Variants in TP53BP2 observed in about 807,000 individuals in gnomAD.
TP53BP2 encodes the protein apoptosis-stimulating of p53 protein 2.
In TP53BP2, 62 loss-of-function variants were observed where a neutral mutation model predicts 126.2. The ratio of observed to expected loss-of-function variants is 0.49; its 90% confidence interval spans 0.40 to 0.61. The LOEUF is 0.61. Among genes scored for constraint, TP53BP2 ranks in the 20% least tolerant of loss-of-function variants. The probability of loss-of-function intolerance (pLI) is 0.00; values close to 1 mark genes in which losing one functional copy is unlikely to be tolerated. For missense variants in TP53BP2, 1,215 were observed against 1,402.8 expected, an observed-to-expected ratio of 0.87 and a Z score of 2.14; for synonymous variants, 485 against 502.9, an observed-to-expected ratio of 0.96 and a Z score of 0.48.
At chr1:223,843,450 T>A (rs1241656362) in intron 1 of TP53BP2, among the ~76,000 whole-genome samples, 1 of 152,252 alleles carries the variant, frequency 6.6e-6, no homozygotes, top group Non-Finnish European at 1.5e-5. Flanking sequence ...ATTACAGGCA[T>A]GAGCCACCGC....
intron 2 of TP53BP2, among the ~76,000 whole-genome samples, chr1:223,815,569 A>T (rs1663056670): frequency 6.6e-6 from 1 of 152,178 alleles, no homozygotes; most frequent in Non-Finnish European, 1.5e-5. Context: ...TCCACGCTGG[A>T]CTGCCCCAGA....
intron 12 of TP53BP2, among the ~76,000 whole-genome samples, chr1:223,797,661 T>G (rs1325399002): frequency 1.3e-5 from 2 of 152,122 alleles, no homozygotes; most frequent in East Asian, 3.9e-4. Flanking sequence ...CCCGCCCACC[T>G]TGGCCTCCCA....
intron 4 of TP53BP2, among the ~76,000 whole-genome samples, chr1:223,809,372 G>A (rs1263281853): frequency 6.6e-6 from 1 of 151,996 alleles, no homozygotes; most frequent in African/African-American, 2.4e-5. Flanking sequence ...TTCGAAACCA[G>A]CCTGGCCAAC....
chr1:223,811,105 A>C (rs1662894736), intron 3 of TP53BP2, among the ~76,000 whole-genome samples: 2 of 152,184 alleles, frequency 1.3e-5, no homozygotes, highest in Admixed American at 1.3e-4. Flanking sequence ...TTGTGAAGGT[A>C]CTATCCAGAA....
chr1:223,845,400 G>T, intron 1 of TP53BP2: 2 of 461,416 alleles, frequency 4.3e-6, no homozygotes, highest in Non-Finnish European at 5.7e-6. Context: ...CGGCTCGCCT[G>T]ACTCCGGAGC....
At chr1:223,828,270 A>G (rs1000425716) in intron 1 of TP53BP2, among the ~76,000 whole-genome samples, 1 of 152,208 alleles carries the variant, frequency 6.6e-6, no homozygotes, top group Non-Finnish European at 1.5e-5. Flanking sequence ...ACTGTATCCT[A>G]TTATGCATAC....
chr1:223,845,919 G>A lies in TP53BP2; in HGVS notation c.-239C>T, dbSNP rs1664264796. On this transcript the variant is annotated 5_prime_UTR_variant, in exon 1 of 18. Coordinates refer to ENST00000343537, the MANE Select transcript of TP53BP2 (RefSeq NM_001031685.3). ...CTTTGTCTCTTCGACGCTCGTGACG[G>A]TCGGGGCTCCCTCCTCCGCTCCGAA... 3 of 263,694 alleles carry A rather than the reference G, an allele frequency of 1.1e-5. No individual in the cohort carries two copies. The highest frequency in any genetic ancestry group is 1.4e-5 in the Non-Finnish European group (2 of 141,300). 16.3% of individuals were successfully genotyped at this position (263,694 alleles called of 1,614,324 possible).
intron 1 of TP53BP2, among the ~76,000 whole-genome samples, chr1:223,821,718 T>C (rs1172955981): frequency 2.0e-5 from 3 of 152,240 alleles, no homozygotes; most frequent in Non-Finnish European, 4.4e-5. Context: ...TAAAGGTTGA[T>C]GCGACAACCT....
At chr1:223,836,940 C>T (rs1184793390) in intron 1 of TP53BP2, among the ~76,000 whole-genome samples, 5 of 151,958 alleles carry the variant, frequency 3.3e-5, no homozygotes, top group Admixed American at 3.3e-4. Flanking sequence ...AAAATAGATA[C>T]CCCCCAAACT....
chr1:223,831,449 C>G (rs972126736), intron 1 of TP53BP2, among the ~76,000 whole-genome samples: 1 of 113,862 alleles, frequency 8.8e-6, no homozygotes, highest in Admixed American at 1.0e-4. Context: ...TACACATGCA[C>G]ACACATATGT....
In TP53BP2 at chr1:223,845,786, G is replaced by GGCGGCGGCGGCGGCA. The variant is rs1664256294; in HGVS notation, c.-121_-107dup. 5.6e-6 allele frequency: 6 copies of GGCGGCGGCGGCGGCA among 1,069,720 alleles called. No homozygotes were observed. Among genetic ancestry groups the GGCGGCGGCGGCGGCA allele is most frequent in the Non-Finnish European group, 7.1e-6 (6 of 844,648 alleles). The allele number at this position is 1,069,720 out of a possible 1,614,324, so 66.3% of individuals were successfully genotyped here. On this transcript the variant is annotated 5_prime_UTR_variant, in exon 1 of 18. Transcript: ENST00000343537. ...GCGAGGCCGCCCGGACCTGTTGCGA[G>GGCGGCGGCGGCGGCA]GCGGCGGCGGCGGCAGCGGCGGCGC...
intron 5 of TP53BP2, among the ~76,000 whole-genome samples, chr1:223,805,963 T>G (rs2102857134): frequency 6.6e-6 from 1 of 152,332 alleles, no homozygotes; most frequent in East Asian, 1.9e-4. Flanking sequence ...TGTTGGCTTT[T>G]GGGTCAGATT....
At chr1:223,804,141 T>A (rs1478738256) in intron 6 of TP53BP2, 33 bp downstream of exon 6, 2 of 1,582,792 alleles carry the variant, frequency 1.3e-6, no homozygotes, top group Non-Finnish European at 1.7e-6. Flanking sequence ...CAAATAAATG[T>A]ATAAAAAAGT....
At position 223,803,274 on chromosome 1, in the gene TP53BP2, C is replaced by T. The variant is rs1662592752; in HGVS notation, c.828G>A (p.Leu276=). The stretch of plus-strand genomic sequence containing the variant: ...TTGGCAAACAGCTACGGTCTACCTG[C>T]AGCTCCTTATAGAGGCGATCAAGCT... ...VAELDRLYKE[L]QLRNKLNQEQ... is the part of the protein sequence containing the mutation. The change falls in exon 7 of 18, where the codon CTG becomes CTA. Residue 276 remains leucine, a synonymous_variant. Coordinates refer to ENST00000343537, the MANE Select transcript of TP53BP2 (RefSeq NM_001031685.3). 6.2e-7 allele frequency: 1 copy of T among 1,608,300 alleles called. No individual in the cohort carries two copies. Among genetic ancestry groups the T allele is most frequent in the Admixed American group, 1.7e-5 (1 of 59,000 alleles).
At chr1:223,840,352 T>C (rs1412870558) in intron 1 of TP53BP2, among the ~76,000 whole-genome samples, 1 of 152,228 alleles carries the variant, frequency 6.6e-6, no homozygotes, top group Admixed American at 6.5e-5. Context: ...TACATCTGAT[T>C]AAACAGAATG....
Position 223,796,088 on chromosome 1 carries a change from C to G in TP53BP2, c.2451G>C (p.Glu817Asp). The G allele has an allele frequency of 3.7e-6, 6 of 1,614,208 alleles. No homozygotes were observed. Among genetic ancestry groups the G allele is most frequent in the Non-Finnish European group, 5.1e-6 (6 of 1,180,040 alleles). The change falls in exon 13 of 18, where the codon GAG becomes GAC. Residue 817 changes from glutamate (E) to aspartate (D), a missense_variant. By Grantham distance (45) the Glu-to-Asp change is conservative (BLOSUM62 2). Transcript: ENST00000343537. This position sits in a 1 kb window ranked among gnomAD's most constrained non-coding sequence, Gnocchi z 4.2. ...VSLVPESLSPEDVGNASTENS... is the reference protein window; with the variant it reads ...VSLVPESLSPDDVGNASTENS... ...TCTCTGTACTGGCATTCCCCACATC[C>G]TCTGGGGACAATGATTCAGGAACCA... is the stretch of plus-strand genomic sequence containing the variant.
chr1:223,845,751 G>C lies in TP53BP2; in HGVS notation c.-71C>G. 1 of 1,422,030 alleles carries C rather than the reference G, an allele frequency of 7.0e-7. No homozygotes were observed. Among genetic ancestry groups the C allele is most frequent in the Non-Finnish European group, 9.2e-7 (1 of 1,084,474 alleles). The allele number at this position is 1,422,030 out of a possible 1,614,324, so 88.1% of individuals were successfully genotyped here. A position where few individuals can be genotyped will look rare whatever the true frequency, so the allele number is the denominator to read the frequency against. The stretch of plus-strand genomic sequence containing the variant: ...CGGAGGGTCGCGGATGCGGGGGAGG[G>C]GAGCGGAGAGCGAGGCCGCCCGGAC... On this transcript the variant is annotated 5_prime_UTR_variant, in exon 1 of 18. Transcript: ENST00000343537.
At chr1:223,787,013 G>A (rs369738404) in intron 16 of TP53BP2, among the ~76,000 whole-genome samples, 9 of 151,996 alleles carry the variant, frequency 5.9e-5, no homozygotes, top group Non-Finnish European at 5.9e-5. Flanking sequence ...CTCCTGCCTC[G>A]GCCTCCCAAG....
intron 1 of TP53BP2, among the ~76,000 whole-genome samples, chr1:223,840,982 G>C (rs758286627): frequency 5.3e-5 from 8 of 152,210 alleles, no homozygotes; most frequent in Non-Finnish European, 7.3e-5. Flanking sequence ...CCTGGGTGCG[G>C]TGGCTCATGC....
Sources: gnomAD v4.1 joint callset for allele counts (sites outside exome capture counted in the v4.1 genomes callset) on GRCh38, gnomAD v4.1.1 for gene constraint, Gnocchi (gnomAD v3.1) non-coding constraint, MANE v1.5 for transcripts, NCBI Gene and HGNC (gene_info 2026-07-23, HGNC 2026-07-21) for gene names.